Variants in CALD1 observed in about 807,000 individuals in gnomAD.
CALD1 encodes caldesmon.
CALD1 carries 33 observed loss-of-function variants against 99.9 expected under a neutral mutation model. The ratio of observed to expected loss-of-function variants is 0.33; its 90% confidence interval spans 0.25 to 0.44. The LOEUF is 0.44. Ranked by LOEUF, CALD1 falls within the 20% of genes least tolerant of loss-of-function variation. The probability of loss-of-function intolerance (pLI) is 1.00; values close to 1 mark genes in which losing one functional copy is unlikely to be tolerated. For synonymous variants in CALD1, 310 were observed against 325.0 expected (o/e 0.95, Z 0.50); for missense variants, 861 against 962.1 (o/e 0.89, Z 1.39).
intron 3 of CALD1, among the ~76,000 whole-genome samples, chr7:134,874,742 T>G (rs1801268024): frequency 6.7e-6 from 1 of 149,268 alleles, no homozygotes. Flanking sequence ...TTGTCATCAT[T>G]CATACATTTT....
intron 5 of CALD1, among the ~76,000 whole-genome samples, chr7:134,934,770 A>G (rs1168202055): frequency 1.3e-5 from 2 of 152,114 alleles, no homozygotes; most frequent in Non-Finnish European, 2.9e-5. Context: ...AATCCCAGCT[A>G]CTCAGGAGGC....
At chr7:134,791,643 T>TA (rs1797537496) in intron 1 of CALD1, among the ~76,000 whole-genome samples, 1 of 151,752 alleles carries the variant, frequency 6.6e-6, no homozygotes, top group Non-Finnish European at 1.5e-5. Flanking sequence ...AGGCATCACT[T>TA]AGTGTCCCCA....
At chr7:134,860,096 G>A (rs75999374) in intron 2 of CALD1, among the ~76,000 whole-genome samples, 3,128 of 152,246 alleles carry the variant, frequency 0.021, 44 homozygotes, top group Non-Finnish European at 0.03. Context: ...ACCTTGAGAA[G>A]ACAAAGTGCC....
intron 1 of CALD1, among the ~76,000 whole-genome samples, chr7:134,774,421 T>G (rs746946725): frequency 7.2e-5 from 11 of 152,134 alleles, no homozygotes; most frequent in Non-Finnish European, 1.2e-4. Context: ...TGGCTTTCAT[T>G]TAAACATTTA....
chr7:134,894,815 C>T (rs980290921), intron 3 of CALD1, among the ~76,000 whole-genome samples: 4 of 152,164 alleles, frequency 2.6e-5, no homozygotes, highest in Admixed American at 2.0e-4. Flanking sequence ...TTCACTGGTA[C>T]TTTTATCATT....
At chr7:134,900,557 G>A (rs1228449893) in intron 3 of CALD1, among the ~76,000 whole-genome samples, 1 of 152,024 alleles carries the variant, frequency 6.6e-6, no homozygotes, top group African/African-American at 2.4e-5. Flanking sequence ...CCTAGCCCTC[G>A]CAGCACTAAA....
At chr7:134,721,751 C>T in the CALD1 span, among the ~76,000 whole-genome samples, 2 of 152,126 alleles carry the variant, frequency 1.3e-5, no homozygotes, top group Non-Finnish European at 2.9e-5. Flanking sequence ...GTATTCCTTG[C>T]AACATTATTG....
the CALD1 span, among the ~76,000 whole-genome samples, chr7:134,730,299 T>C: frequency 6.7e-6 from 1 of 148,556 alleles, no homozygotes; most frequent in East Asian, 2.1e-4. Flanking sequence ...CCAGAAACAT[T>C]AGAGGATAAG....
intron 3 of CALD1, chr7:134,891,556 C>T (rs1802171531): frequency 1.3e-6 from 2 of 1,563,148 alleles, no homozygotes; most frequent in South Asian, 2.4e-5. Flanking sequence ...AGCCCACGCC[C>T]TGACCGCCCG....
At chr7:134,762,356 G>A (rs574539823) in intron 1 of CALD1, among the ~76,000 whole-genome samples, 1 of 152,178 alleles carries the variant, frequency 6.6e-6, no homozygotes, top group South Asian at 2.1e-4. Context: ...TGGTCTCTTT[G>A]AACTTGGGCA....
chr7:134,775,719 A>T (rs1299564420), upstream of CALD1, among the ~76,000 whole-genome samples: 2 of 152,170 alleles, frequency 1.3e-5, no homozygotes, highest in Non-Finnish European at 2.9e-5. Context: ...TCAAAAAAAA[A>T]AAAAAGAAAA....
chr7:134,719,850 G>A, the CALD1 span, among the ~76,000 whole-genome samples: 4 of 152,104 alleles, frequency 2.6e-5, no homozygotes, highest in Non-Finnish European at 4.4e-5. Context: ...TTCAAATCCC[G>A]AAATGTTCAC....
chr7:134,737,182 T>TGGCACTATCACAGTTCATTGCAGC, the CALD1 span, among the ~76,000 whole-genome samples: 3 of 152,232 alleles, frequency 2.0e-5, no homozygotes, highest in African/African-American at 7.2e-5. Flanking sequence ...TGGAGTGCAG[T>TGGCACTATCACAGTTCATTGCAGC]GGCACTATCA....
intron 3 of CALD1, among the ~76,000 whole-genome samples, chr7:134,926,081 A>C (rs1458070787): frequency 6.6e-6 from 1 of 152,176 alleles, no homozygotes; most frequent in African/African-American, 2.4e-5. Context: ...TTAGAAAGGA[A>C]CATTCGAATC....
In CALD1 at chr7:134,770,565, C is replaced by T. The variant is rs141689041; in HGVS notation, c.-130+26202C>T. The stretch of plus-strand genomic sequence containing the variant: ...TCTGTATTCACCCCCTCTTCTCCTC[C>T]GTGTCTTGTGTATCTCAAATCTCCC... On this transcript the variant is annotated intron_variant, in intron 1 of 13. Coordinates refer to the CALD1 transcript ENST00000417172. Among the ~76,000 whole-genome samples, 550 of 152,180 alleles carry T rather than the reference C, an allele frequency of 3.6e-3. 2 individuals carry two copies. The highest frequency in any genetic ancestry group is 0.013 in the African/African-American group (523 of 41,490).
chr7:134,879,157 T>A (rs1801482627), intron 3 of CALD1, among the ~76,000 whole-genome samples: 1 of 152,226 alleles, frequency 6.6e-6, no homozygotes, highest in South Asian at 2.1e-4. Flanking sequence ...AAGGAAGTTC[T>A]TGACCTTTAT....
At chr7:134,711,912 T>C in the CALD1 span, among the ~76,000 whole-genome samples, 486 of 151,018 alleles carry the variant, frequency 3.2e-3, no homozygotes, top group Non-Finnish European at 5.1e-3. Flanking sequence ...ACTGGACACG[T>C]TCAGAGCAGG....
intron 9 of CALD1, among the ~76,000 whole-genome samples, chr7:134,957,126 C>T (rs529452276): frequency 6.6e-6 from 1 of 152,266 alleles, no homozygotes; most frequent in African/African-American, 2.4e-5. Flanking sequence ...TCAGCCATTA[C>T]AGATGAGCTG....
chr7:134,794,849 T>A (rs753172082), intron 1 of CALD1, among the ~76,000 whole-genome samples: 2 of 152,232 alleles, frequency 1.3e-5, no homozygotes, highest in Non-Finnish European at 2.9e-5. Flanking sequence ...TCAGTTCTTT[T>A]TAAATGTTCT....
Sources: gnomAD v4.1 joint callset for allele counts (sites outside exome capture counted in the v4.1 genomes callset) on GRCh38, gnomAD v4.1.1 for gene constraint, MANE v1.5 for transcripts, NCBI Gene and HGNC (gene_info 2026-07-23, HGNC 2026-07-21) for gene names.